The following RYR1 variants were observed in gnomAD, a reference collection of about 807,000 sequenced individuals.
RYR1 encodes the protein central core disease of muscle.
Under a neutral mutation model 583.5 loss-of-function variants are expected in RYR1, and 342 were observed. The observed-to-expected ratio is 0.59, with a 90% CI of 0.54 to 0.64. RYR1 has a LOEUF of 0.64. Among genes scored for constraint, RYR1 ranks in the 30% least tolerant of loss-of-function variants. RYR1 has a pLI of 0.00. For missense variants in RYR1, 6,032 were observed against 6,917.2 expected, an observed-to-expected ratio of 0.87 and a Z score of 4.54; for synonymous variants, 2,791 against 2,822.5, an observed-to-expected ratio of 0.99 and a Z score of 0.35.
rs1213567278 is a variant in RYR1, at chr19:38,460,557, C to T, written c.2543C>T (p.Thr848Ile). The T allele has an allele frequency of 6.2e-7, 1 of 1,613,484 alleles. No individual in the cohort carries two copies. Among genetic ancestry groups the T allele is most frequent in the Admixed American group, 1.7e-5 (1 of 60,012 alleles). The change falls in exon 20 of 106, where the codon ACC (threonine) becomes ATC (isoleucine). Residue 848 changes from threonine to isoleucine, a missense_variant. Thr to Ile is a moderately conservative substitution (Grantham distance 89). This residue lies in a region of RYR1 where 2,627 missense variants were observed against 2,961.3 expected (regional missense o/e 0.89). Coordinates refer to ENST00000359596, the MANE Select transcript of RYR1 (RefSeq NM_000540.3). The part of the protein sequence containing the change: ...LVGPSRCLSH[T>I]DFVPCPVDTV... ...GGCCCCAGTCGCTGCCTCTCACACA[C>T]CGACTTCGTGCCCTGCCCTGTGGAC...
In RYR1 at chr19:38,466,327, A is replaced by C; in HGVS notation, c.3107A>C (p.Asp1036Ala). 1.2e-6 allele frequency: 2 copies of C among 1,605,334 alleles called. No individual in the cohort carries two copies. Reference protein sequence around the residue: ...LDEATKRSNRDSLCQAVRTLL... With the variant: ...LDEATKRSNRASLCQAVRTLL... ...GAAGCCACCAAGCGCAGCAACCGGG[A>C]CAGCCTCTGCCAGGCCGTGCGCACC... Residue 1036 changes from aspartate (D) to alanine (A), a missense_variant, in exon 24 of 106, where the codon GAC becomes GCC. Around this residue, in one of 11 missense-constraint regions of RYR1, gnomAD observed 2,627 missense variants for 2,961.3 expected, o/e 0.89. Coordinates refer to ENST00000359596, the MANE Select transcript of RYR1 (RefSeq NM_000540.3).
At chr19:38,548,658 A>G (rs949459325) in intron 89 of RYR1, among the ~76,000 whole-genome samples, 2 of 152,226 alleles carry the variant, frequency 1.3e-5, no homozygotes, top group Admixed American at 1.3e-4. Flanking sequence ...AGCTCACTGC[A>G]GCCTTGACCT....
intron 84 of RYR1, among the ~76,000 whole-genome samples, chr19:38,540,940 A>G (rs1972164232): frequency 6.6e-6 from 1 of 151,732 alleles, no homozygotes; most frequent in South Asian, 2.1e-4. Flanking sequence ...CTCCAATCAT[A>G]TACTACAGTG....
In RYR1 at chr19:38,486,143, G is replaced by A. The variant is rs147603571; in HGVS notation, c.5488G>A (p.Val1830Ile). Reference protein sequence around the residue: ...RDGGQHARDPVGGSVEFQFVP... With the variant: ...RDGGQHARDPIGGSVEFQFVP... ...CGGTGGGCAGCACGCTCGCGACCCC[G>A]TCGGGGGCTCCGTGGAGTTCCAGTT... is the stretch of plus-strand genomic sequence containing the variant. Residue 1830 changes from valine to isoleucine, a missense_variant, in exon 34 of 106, where the codon GTC becomes ATC. This residue lies in a region of RYR1 where 2,627 missense variants were observed against 2,961.3 expected (regional missense o/e 0.89). Coordinates refer to ENST00000359596, the MANE Select transcript of RYR1 (RefSeq NM_000540.3). 1.4e-5 allele frequency: 23 copies of A among 1,613,086 alleles called. No homozygotes were observed. The highest frequency in any genetic ancestry group is 9.9e-5 in the South Asian group (9 of 91,090).
At position 38,572,152 on chromosome 19, in the gene RYR1, A is replaced by G; in HGVS notation, c.13880A>G (p.Asn4627Ser). ...GAGGCAGAGGGCGATGAGGATGAGA[A>G]CATGGTGTACTACTTCCTGGAGGAA... ...GEEAEGDEDE[N>S]MVYYFLEEST... is the part of the protein sequence containing the mutation. The change falls in exon 95 of 106, where the codon AAC becomes AGC. Residue 4627 changes from asparagine (N) to serine (S), a missense_variant. Transcript: ENST00000359596. 6.2e-7 allele frequency: 1 copy of G among 1,613,990 alleles called. No homozygotes were observed. The highest frequency in any genetic ancestry group is 8.5e-7 in the Non-Finnish European group (1 of 1,179,970).
chr19:38,444,316 C>G lies in RYR1; in HGVS notation c.537+55C>G. On this transcript the variant is annotated intron_variant, in intron 6 of 105. Transcript: ENST00000359596. The surrounding 1 kb of genome is among the most constrained non-coding windows in gnomAD (Gnocchi z 5.1). The stretch of plus-strand genomic sequence containing the variant: ...GGTCTGGGGGCGCATGGGATGGTCC[C>G]CATCTTCTCACCATGGGTTTGCCTG... 1 of 1,379,408 alleles carries G rather than the reference C, an allele frequency of 7.2e-7. No individual in the cohort carries two copies. The highest frequency in any genetic ancestry group is 1.0e-6 in the Non-Finnish European group (1 of 976,312). The allele number at this position is 1,379,408 out of a possible 1,614,324, so 85.4% of individuals were successfully genotyped here.
At position 38,448,471 on chromosome 19, in the gene RYR1, C is replaced by T. The variant is rs1217866888; in HGVS notation, c.917C>T (p.Ala306Val). 3.7e-6 allele frequency: 6 copies of T among 1,614,020 alleles called. No homozygotes were observed. The Admixed American group carries it at 6.7e-5, about 18-fold the overall frequency. ...CTGGTGGTGGTTGACGCCAGCAAGG[C>T]TCACACCAAGGCTACCTCCTTCTGC... Reference protein sequence around the residue: ...QGLVVVDASKAHTKATSFCFR... With the variant: ...QGLVVVDASKVHTKATSFCFR... The change falls in exon 10 of 106, where the codon GCT (alanine) becomes GTT (valine). Residue 306 changes from alanine to valine, a missense_variant. Physicochemically the swap from Ala to Val is moderately conservative, Grantham distance 64. Coordinates refer to ENST00000359596, the MANE Select transcript of RYR1 (RefSeq NM_000540.3).
At position 38,502,879 on chromosome 19, in the gene RYR1, G is replaced by A. The variant is rs1568507354; in HGVS notation, c.7836-1G>A. 2.5e-6 allele frequency: 4 copies of A among 1,610,558 alleles called. No homozygotes were observed. The highest frequency in any genetic ancestry group is 1.3e-5 in the African/African-American group (1 of 74,914). On this transcript the variant is annotated splice_acceptor_variant, in intron 48 of 105. Coordinates refer to ENST00000359596, the MANE Select transcript of RYR1 (RefSeq NM_000540.3). LOFTEE classifies it high-confidence loss of function. ...TCTACATCTTGTGCATTGTCCCGCA[G>A]GTACATCCGCCCGTCGATGCTGCAG... is the stretch of plus-strand genomic sequence containing the variant.
rs879646084 is a variant in RYR1, at chr19:38,507,160, AC to A, written c.8816+209del. Among the ~76,000 whole-genome samples, 230 of 149,512 alleles carry A rather than the reference AC, an allele frequency of 1.5e-3. 1 individual carries two copies. Among genetic ancestry groups the A allele is most frequent in the Non-Finnish European group, 2.3e-3 (152 of 67,254 alleles). On this transcript the variant is annotated intron_variant, in intron 57 of 105. Transcript: ENST00000359596. ...AGTTCGAAATGGGCGGGGCTTAAGC[AC>A]AGGCGGGACCAGAGAGGAGAGGAGG...
intron 31 of RYR1, 52 bp from the exon 32 acceptor site, chr19:38,482,975 C>A: frequency 6.6e-7 from 1 of 1,508,878 alleles, no homozygotes; most frequent in Non-Finnish European, 9.2e-7. Context: ...CCAGAGTCAA[C>A]CCTCCCTCCA....
Position 38,496,389 on chromosome 19 carries a change from G to A in RYR1, c.6664-20G>A. 6.2e-7 allele frequency: 1 copy of A among 1,613,774 alleles called. No individual in the cohort carries two copies. Among genetic ancestry groups the A allele is most frequent in the East Asian group, 2.2e-5 (1 of 44,880 alleles). On this transcript the variant is annotated intron_variant, in intron 40 of 105. Coordinates refer to ENST00000359596, the MANE Select transcript of RYR1 (RefSeq NM_000540.3). This position sits in a 1 kb window ranked among gnomAD's most constrained non-coding sequence, Gnocchi z 4.8. ...GAGGCAGCCACAGAGGGCAGGCCCT[G>A]ACCACCCTGCCTGTCCCAGGAGATC...
chr19:38,583,542 C>A (rs1486227434), intron 101 of RYR1, among the ~76,000 whole-genome samples: 1 of 145,910 alleles, frequency 6.9e-6, no homozygotes, highest in African/African-American at 2.4e-5. Flanking sequence ...TCCCTCCCCA[C>A]CCCCACTCAG....
intron 67 of RYR1, among the ~76,000 whole-genome samples, chr19:38,521,569 C>T (rs1971225435): frequency 6.6e-6 from 1 of 150,888 alleles, no homozygotes; most frequent in Admixed American, 6.6e-5. Context: ...ACCTGTAGTC[C>T]CAGCTAAGTA....
rs587784373 is a variant in RYR1, at chr19:38,580,458, G to A, written c.14600G>A (p.Ser4867Asn). ...FNFFRKFYNK[S>N]EDEDEPDMKC... The stretch of plus-strand genomic sequence containing the variant: ...TTCTTCCGCAAGTTCTACAACAAGA[G>A]CGAGGATGAGGATGAACCTGACATG... The change falls in exon 101 of 106, where the codon AGC (serine) becomes AAC (asparagine). Residue 4867 changes from serine to asparagine, a missense_variant. Coordinates refer to ENST00000359596, the MANE Select transcript of RYR1 (RefSeq NM_000540.3). The A allele has an allele frequency of 6.8e-6, 11 of 1,614,178 alleles. No individual in the cohort carries two copies. Among genetic ancestry groups the A allele is most frequent in the Admixed American group, 3.3e-5 (2 of 60,006 alleles).
At chr19:38,452,031 G>A (rs1483417807) in intron 12 of RYR1, 146 bp downstream of exon 12, 55 of 1,098,624 alleles carry the variant, frequency 5.0e-5, no homozygotes, top group Non-Finnish European at 6.7e-5. Context: ...GCTCACACCT[G>A]TAATCCCAAG....
intron 67 of RYR1, among the ~76,000 whole-genome samples, chr19:38,521,201 G>A (rs1256788515): frequency 6.6e-6 from 1 of 152,106 alleles, no homozygotes; most frequent in African/African-American, 2.4e-5. Context: ...GGCTGAGGTG[G>A]GAGGATCGTT....
chr19:38,482,924 G>A (rs887991287), intron 31 of RYR1, 103 bp from the exon 32 acceptor site: 19 of 1,001,806 alleles, frequency 1.9e-5, no homozygotes, highest in African/African-American at 1.4e-4. Context: ...AGCCTCTAAC[G>A]CCCAGATGAG....
At chr19:38,456,724 G>A (rs1056236219) in intron 16 of RYR1, among the ~76,000 whole-genome samples, 3 of 151,116 alleles carry the variant, frequency 2.0e-5, no homozygotes, top group East Asian at 1.9e-4. Flanking sequence ...TTATTCAGTC[G>A]GAGCAAAAGT....
At chr19:38,582,509 G>C (rs553720981) in intron 101 of RYR1, among the ~76,000 whole-genome samples, 75 of 151,770 alleles carry the variant, frequency 4.9e-4, no homozygotes, top group African/African-American at 1.6e-3. Context: ...ACCCAGGCCG[G>C]GCGCAGTGAC....
Sources: allele counts gnomAD v4.1 joint callset (sites outside exome capture counted in the v4.1 genomes callset), GRCh38; gene constraint gnomAD v4.1.1; regional missense constraint gnomAD v4.1.1; non-coding constraint Gnocchi (gnomAD v3.1); transcripts MANE v1.5; gene names NCBI Gene and HGNC (gene_info 2026-07-23, HGNC 2026-07-21).